The following RDX variants were observed in gnomAD, a reference collection of about 807,000 sequenced individuals.
The protein encoded by RDX is radixin, also known as deafness, autosomal recessive 24.
A neutral mutation model predicts 83.7 loss-of-function variants in RDX; 32 were observed. The ratio of observed to expected loss-of-function variants is 0.38; its 90% CI spans 0.29 to 0.51. The LOEUF (loss-of-function observed/expected upper bound fraction) is 0.51, where lower values mean the gene tolerates loss of function less well. RDX is among the 20% of genes least tolerant of loss of function. The pLI is 0.87. For missense variants in RDX, 600 were observed against 689.9 expected (o/e 0.87, Z 1.46); for synonymous variants, 229 against 222.7 (o/e 1.03, Z -0.25).
At chr11:110,199,547 G>T (rs1591505722) in intron 15 of RDX, 1 of 702,362 alleles carries the variant, frequency 1.4e-6, no homozygotes, top group South Asian at 1.5e-5. Context: ...GGGCAGGTGA[G>T]CTGGCCCTGG....
At chr11:110,207,796 C>A (rs748754133) in intron 14 of RDX, among the ~76,000 whole-genome samples, 6 of 152,154 alleles carry the variant, frequency 3.9e-5, no homozygotes, top group Non-Finnish European at 8.8e-5. Context: ...GACAACTGGC[C>A]TGCAAAGTCC....
intron 7 of RDX, among the ~76,000 whole-genome samples, chr11:110,256,884 A>T (rs1859567813): frequency 6.6e-6 from 1 of 152,200 alleles, no homozygotes; most frequent in Non-Finnish European, 1.5e-5. Context: ...TATGCTTTGA[A>T]ATTAGTATTT....
At chr11:110,273,163 T>C (rs1591175135) in intron 2 of RDX, 7 of 449,216 alleles carry the variant, frequency 1.6e-5, no homozygotes, top group Middle Eastern at 1.1e-3. Flanking sequence ...CCGTGAGCTA[T>C]GATTGTACTA....
rs868305531 is a variant in RDX at position 110,231,916 on chromosome 11, G to A, written c.1705C>T (p.Arg569Ter). 6.2e-7 allele frequency: 1 copy of A among 1,613,386 alleles called. No homozygotes were observed. Reference protein sequence around the residue: ...RDKYKTLRQIRQGNTKQRIDE... With the variant: ...RDKYKTLRQI Reference sequence around the variant, plus strand: ...ATACGCTGCTTTGTATTGCCTTGTCGAATCTGTCGCAGAGTCTTGTACTTA... The same window carrying A: ...ATACGCTGCTTTGTATTGCCTTGTCAAATCTGTCGCAGAGTCTTGTACTTA... The change falls in exon 14 of 14, where the codon CGA (arginine) becomes TGA (stop). Residue 569 changes from arginine to a stop codon, truncating the protein, a stop_gained. Transcript: ENST00000645495. LOFTEE classifies it high-confidence loss of function.
At position 110,253,958 on chromosome 11, in the gene RDX, T is replaced by C; in HGVS notation, c.947A>G (p.Lys316Arg). 3 of 1,613,594 alleles carry C rather than the reference T, an allele frequency of 1.9e-6. No homozygotes were observed. Among genetic ancestry groups the C allele is most frequent in the Non-Finnish European group, 2.5e-6 (3 of 1,179,714 alleles). Reference protein sequence around the residue: ...KAQAREEKHQKQLERAQLENE... With the variant: ...KAQAREEKHQRQLERAQLENE... ...ATAAACCCCATACCTTTCCAACTGCTTCTGATGTTTCTCCTCCCTAGCCTG... is the reference window on the plus strand; with the variant it reads ...ATAAACCCCATACCTTTCCAACTGCCTCTGATGTTTCTCCTCCCTAGCCTG... The change falls in exon 9 of 14, where the codon AAG becomes AGG. Residue 316 changes from lysine (K) to arginine (R), a missense_variant. Lys to Arg is a conservative substitution (Grantham distance 26). Transcript: ENST00000645495.
intron 15 of RDX, among the ~76,000 whole-genome samples, chr11:110,197,442 TG>T: frequency 6.6e-6 from 1 of 152,352 alleles, no homozygotes; most frequent in Admixed American, 6.5e-5. Context: ...AGCTGGAGGA[TG>T]TGGCAATCAC....
chr11:110,179,891 T>C, intron 15 of RDX: 3 of 395,758 alleles, frequency 7.6e-6, no homozygotes, highest in Non-Finnish European at 1.4e-5. Context: ...TTTCTTTTTC[T>C]TTTTCTTTTT....
chr11:110,280,595 G>A (rs1031247581), intron 1 of RDX, among the ~76,000 whole-genome samples: 1 of 152,216 alleles, frequency 6.6e-6, no homozygotes, highest in Non-Finnish European at 1.5e-5. Context: ...AGAAAAATAT[G>A]AATAGCTTAT....
intron 14 of RDX, among the ~76,000 whole-genome samples, chr11:110,199,878 C>G (rs1863342924): frequency 6.6e-6 from 1 of 152,096 alleles, no homozygotes; most frequent in Admixed American, 6.5e-5. Context: ...CTTTGAAACT[C>G]CACGATTAGA....
intron 1 of RDX, among the ~76,000 whole-genome samples, chr11:110,290,568 C>T (rs1026963027): frequency 6.6e-6 from 1 of 151,946 alleles, no homozygotes; most frequent in Admixed American, 6.6e-5. Flanking sequence ...ATCTATCTGC[C>T]CATTAGAGTG....
At chr11:110,199,541 A>C (rs1863322241) in intron 15 of RDX, 2 of 701,834 alleles carry the variant, frequency 2.8e-6, no homozygotes, top group African/African-American at 1.7e-5. Context: ...TCTAGTGGGC[A>C]GGTGAGCTGG....
At chr11:110,292,138 C>T (rs960838970) in intron 1 of RDX, among the ~76,000 whole-genome samples, 1 of 151,976 alleles carries the variant, frequency 6.6e-6, no homozygotes, top group African/African-American at 2.4e-5. Context: ...ACTAAAAATA[C>T]AAAAATTAGC....
At chr11:110,274,289 C>T (rs889932347) in intron 2 of RDX, among the ~76,000 whole-genome samples, 3 of 152,018 alleles carry the variant, frequency 2.0e-5, no homozygotes, top group Non-Finnish European at 2.9e-5. Flanking sequence ...GTTATTTGTT[C>T]TTTGTAAATA....
intron 2 of RDX, 195 bp from the exon 3 acceptor site, chr11:110,272,814 AGCTATGG>A (rs1860358518): frequency 1.7e-6 from 1 of 573,794 alleles, no homozygotes; most frequent in African/African-American, 1.9e-5. Flanking sequence ...CTGGGCACTA[AGCTATGG>A]GCTTTCCATA....
chr11:110,279,479 T>C (rs1860664232), intron 2 of RDX, among the ~76,000 whole-genome samples: 1 of 152,312 alleles, frequency 6.6e-6, no homozygotes, highest in South Asian at 2.1e-4. Flanking sequence ...TGAGCCGACA[T>C]GGTCCCACTG....
At chr11:110,233,191 T>C (rs747223721) in intron 13 of RDX, 46 bp downstream of exon 13, 1 of 1,609,560 alleles carries the variant, frequency 6.2e-7, no homozygotes, top group East Asian at 2.2e-5. Flanking sequence ...ATGGGGAAAA[T>C]GCAAACTATA....
intron 14 of RDX, among the ~76,000 whole-genome samples, chr11:110,223,709 G>A (rs944064792): frequency 6.6e-6 from 1 of 152,174 alleles, no homozygotes; most frequent in South Asian, 2.1e-4. Flanking sequence ...AATCTAAGAT[G>A]TCATTTGGGT....
intron 1 of RDX, among the ~76,000 whole-genome samples, chr11:110,282,391 C>T (rs891762975): frequency 2.0e-5 from 3 of 151,920 alleles, no homozygotes; most frequent in Admixed American, 6.6e-5. Flanking sequence ...AGTTCTACAA[C>T]GTATCAGCCT....
intron 14 of RDX, among the ~76,000 whole-genome samples, chr11:110,222,216 G>C (rs2134278156): frequency 1.3e-5 from 2 of 152,188 alleles, no homozygotes; most frequent in East Asian, 3.9e-4. Flanking sequence ...TAGTTATCTA[G>C]AAGACATACT....
Sources: allele counts gnomAD v4.1 joint callset (sites outside exome capture counted in the v4.1 genomes callset), GRCh38; gene constraint gnomAD v4.1.1; transcripts MANE v1.5; gene names NCBI Gene and HGNC (gene_info 2026-07-23, HGNC 2026-07-21).